Variants in ZFHX3 observed in about 807,000 individuals in gnomAD.
ZFHX3 encodes zinc finger homeobox protein 3.
In ZFHX3, 42 loss-of-function variants were observed where a neutral mutation model predicts 279.1. That is an observed-to-expected ratio of 0.15 (90% CI 0.12 to 0.19). ZFHX3 has a LOEUF of 0.19. Ranked by LOEUF, ZFHX3 falls within the 10% of genes least tolerant of loss-of-function variation. The pLI is 1.00. For missense variants in ZFHX3, 4,981 were observed against 4,754.0 expected (o/e 1.05, Z -1.40); for synonymous variants, 2,293 against 1,957.8 (o/e 1.17, Z -4.52).
At chr16:73,750,393 TATC>T (rs2053751071) in intron 1 of ZFHX3, among the ~76,000 whole-genome samples, 1 of 152,200 alleles carries the variant, frequency 6.6e-6, no homozygotes, top group Non-Finnish European at 1.5e-5. Context: ...TTATTACTAT[TATC>T]ATGATAATCG....
intron 1 of ZFHX3, among the ~76,000 whole-genome samples, chr16:73,739,842 T>A (rs750584642): frequency 6.6e-6 from 1 of 152,118 alleles, no homozygotes; most frequent in African/African-American, 2.4e-5. Context: ...ATTTAGAAAA[T>A]GTGAAGACTG....
chr16:73,254,226 G>A (rs1458565734), intron 5 of ZFHX3, among the ~76,000 whole-genome samples: 1 of 152,108 alleles, frequency 6.6e-6, no homozygotes, highest in African/African-American at 2.4e-5. Context: ...CATGGTCTGA[G>A]GCACTTCTTA....
intron 2 of ZFHX3, among the ~76,000 whole-genome samples, chr16:73,584,672 G>C (rs756046685): frequency 6.6e-6 from 1 of 152,170 alleles, no homozygotes; most frequent in Non-Finnish European, 1.5e-5. Context: ...TCAGGTCATA[G>C]GCATGGGCAA....
chr16:73,663,072 T>C (rs1356807250), intron 2 of ZFHX3, among the ~76,000 whole-genome samples: 2 of 151,988 alleles, frequency 1.3e-5, no homozygotes, highest in African/African-American at 2.4e-5. Context: ...AAAAATAAAA[T>C]AAAATAAAAA....
At chr16:73,848,738 T>C (rs1375484929) in intron 1 of ZFHX3, among the ~76,000 whole-genome samples, 1 of 152,232 alleles carries the variant, frequency 6.6e-6, no homozygotes, top group Non-Finnish European at 1.5e-5. Flanking sequence ...CCAATTTCAC[T>C]GTTGGTGACG....
At chr16:73,124,083 G>T (rs1028514154) in intron 7 of ZFHX3, among the ~76,000 whole-genome samples, 3 of 152,204 alleles carry the variant, frequency 2.0e-5, no homozygotes, top group African/African-American at 7.2e-5. Flanking sequence ...TCACAGGTGG[G>T]AAAATCCATG....
At chr16:72,994,439 T>C (rs142054997) in intron 1 of ZFHX3, among the ~76,000 whole-genome samples, 368 of 152,328 alleles carry the variant, frequency 2.4e-3, no homozygotes, top group Middle Eastern at 0.01. Context: ...CCCCCAAGAC[T>C]TTCTGGACCA....
intron 3 of ZFHX3, among the ~76,000 whole-genome samples, chr16:73,341,317 C>A (rs867497987): frequency 6.6e-6 from 1 of 151,744 alleles, no homozygotes; most frequent in Non-Finnish European, 1.5e-5. Flanking sequence ...CTCCAGCCTG[C>A]GTGACAGAGC....
chr16:72,910,880 C>T (rs952498314), intron 3 of ZFHX3, among the ~76,000 whole-genome samples: 3 of 152,150 alleles, frequency 2.0e-5, no homozygotes, highest in Non-Finnish European at 4.4e-5. Context: ...GGTGCAGGAG[C>T]CCTCCAGCCC....
chr16:73,817,106 C>T (rs759571761), intron 1 of ZFHX3, among the ~76,000 whole-genome samples: 1 of 152,128 alleles, frequency 6.6e-6, no homozygotes, highest in Non-Finnish European at 1.5e-5. Flanking sequence ...GTAATTAGGG[C>T]TTGCTTAGGG....
chr16:73,458,667 G>A (rs958022648), intron 2 of ZFHX3, among the ~76,000 whole-genome samples: 4 of 152,082 alleles, frequency 2.6e-5, no homozygotes, highest in Non-Finnish European at 4.4e-5. Context: ...CTTGATGCGG[G>A]TTGGCTCCCT....
rs544121457 is a variant in ZFHX3, at chr16:73,720,777, G to A, written c.-1607-40537C>T. ...CAGTGAGCCATTTCTTTCAACAAAC[G>A]ATTACTGATAATTATTAATACTGCA... On this transcript the variant is annotated intron_variant, in intron 1 of 17. Coordinates refer to the ZFHX3 transcript ENST00000641206. 2.2e-3 allele frequency among the ~76,000 whole-genome samples: 342 copies of A among 152,142 alleles called. 1 individual carries two copies. The highest frequency in any genetic ancestry group is 7.8e-3 in the African/African-American group (322 of 41,496).
At chr16:73,234,052 C>T (rs141570644) in intron 5 of ZFHX3, 2 of 152,098 alleles carry the variant, frequency 1.3e-5, no homozygotes, top group Non-Finnish European at 2.9e-5. Context: ...TGTGTGTGTG[C>T]GTGTGTGAAG....
intron 2 of ZFHX3, among the ~76,000 whole-genome samples, chr16:73,473,365 A>ACC (rs1555519254): frequency 7.7e-6 from 1 of 130,150 alleles, no homozygotes; most frequent in African/African-American, 3.1e-5. Flanking sequence ...AAACAAAAAA[A>ACC]AAAAAAACAA....
chr16:73,878,334 G>A (rs1408208836), intron 1 of ZFHX3, among the ~76,000 whole-genome samples: 2 of 152,158 alleles, frequency 1.3e-5, no homozygotes, highest in South Asian at 2.1e-4. Flanking sequence ...TTTATAAAGA[G>A]AGTTTGAAAA....
chr16:73,291,003 G>A (rs1477815343), intron 4 of ZFHX3, among the ~76,000 whole-genome samples: 1 of 152,182 alleles, frequency 6.6e-6, no homozygotes, highest in East Asian at 1.9e-4. Flanking sequence ...AGCAGATCAG[G>A]AGGGCTTAGA....
chr16:73,498,730 C>A (rs974529236), intron 2 of ZFHX3, among the ~76,000 whole-genome samples: 5 of 152,110 alleles, frequency 3.3e-5, no homozygotes, highest in Admixed American at 6.5e-5. Context: ...ACGGTGCAGA[C>A]AAAACCAAGG....
intron 5 of ZFHX3, among the ~76,000 whole-genome samples, chr16:73,189,260 C>T (rs1967979038): frequency 1.3e-5 from 2 of 152,346 alleles, no homozygotes; most frequent in South Asian, 2.1e-4. Context: ...TGCTGGGCCA[C>T]ACCCCGGGGA....
At chr16:73,063,946 C>T (rs62055084), upstream of ZFHX3, among the ~76,000 whole-genome samples, 28,254 of 151,996 alleles carry the variant, frequency 0.19, 3,480 homozygotes, top group Non-Finnish European at 0.27. Context: ...GTGTCCGGCC[C>T]GCCAGGTTGA....
Sources: gnomAD v4.1 joint callset for allele counts (sites outside exome capture counted in the v4.1 genomes callset) on GRCh38, gnomAD v4.1.1 for gene constraint, MANE v1.5 for transcripts, NCBI Gene and HGNC (gene_info 2026-07-23, HGNC 2026-07-21) for gene names.